DPP8: variants seen among roughly 807,000 people sequenced by gnomAD.
DPP8 encodes dipeptidyl peptidase 8.
Under a neutral mutation model 107.5 loss-of-function variants are expected in DPP8, and 31 were observed. The ratio of observed to expected loss-of-function variants is 0.29; its 90% CI spans 0.22 to 0.39. The LOEUF (loss-of-function observed/expected upper bound fraction) is 0.39, where lower values mean the gene tolerates loss of function less well. Among genes scored for constraint, DPP8 ranks in the 10% least tolerant of loss-of-function variants. The pLI is 1.00. For synonymous variants in DPP8, 381 were observed against 356.6 expected (o/e 1.07, Z -0.77); for missense variants, 842 against 1,076.1 (o/e 0.78, Z 3.04).
chr15:65,443,058 G>A lies in DPP8; in HGVS notation c.*3826C>T, dbSNP rs2063353124. 1 of 152,096 alleles carries A rather than the reference G, an allele frequency of 6.6e-6. No individual in the cohort carries two copies. Among genetic ancestry groups the A allele is most frequent in the Admixed American group, 6.5e-5 (1 of 15,268 alleles). 9.4% of individuals were successfully genotyped at this position (152,096 alleles called of 1,614,324 possible). ...AGTGCAATGAGTTTAATTAACTTCA[G>A]AATGTCATATACTAATCAGAAGTAC... On this transcript the variant is annotated 3_prime_UTR_variant, in exon 20 of 20. Coordinates refer to ENST00000300141, the MANE Select transcript of DPP8 (RefSeq NM_130434.5).
chr15:65,449,569 C>T (rs1371481874), intron 19 of DPP8, among the ~76,000 whole-genome samples: 1 of 151,982 alleles, frequency 6.6e-6, no homozygotes, highest in Admixed American at 6.6e-5. Flanking sequence ...ACCACCACAC[C>T]TAGCTAATTT....
rs752004888 is a variant in DPP8 at position 65,498,017 on chromosome 15, G to A, written c.562C>T (p.Pro188Ser). The change falls in exon 5 of 20, where the codon CCC (proline) becomes TCC (serine). Residue 188 changes from proline (P) to serine (S), a missense_variant. By Grantham distance (74) the Pro-to-Ser change is moderately conservative (BLOSUM62 -1). Around this residue, in one of 2 missense-constraint regions of DPP8, gnomAD observed 663 missense variants for 758.0 expected, o/e 0.87. Coordinates refer to ENST00000300141, the MANE Select transcript of DPP8 (RefSeq NM_130434.5). ...GGACAACTAGTTTCCACTAGATTGGGCCTTAAAGGTTGTTGCTAGAAAAGT... is the reference window on the plus strand; with the variant it reads ...GGACAACTAGTTTCCACTAGATTGGACCTTAAAGGTTGTTGCTAGAAAAGT... ...PQGFTQQPLR[P>S]NLVETSCPNI... 13 of 1,596,798 alleles carry A rather than the reference G, an allele frequency of 8.1e-6. No individual in the cohort carries two copies. The highest frequency in any genetic ancestry group is 1.3e-5 in the African/African-American group (1 of 74,448).
chr15:65,511,880 G>T, intron 2 of DPP8: 1 of 253,192 alleles, frequency 3.9e-6, no homozygotes, highest in Admixed American at 4.7e-5. Flanking sequence ...TTTAACATAG[G>T]CAGACATTAA....
At chr15:65,454,604 G>A (rs114135120) in intron 16 of DPP8, among the ~76,000 whole-genome samples, 189 bp from the exon 17 acceptor site, 5,594 of 152,304 alleles carry the variant, frequency 0.037, 372 homozygotes, top group African/African-American at 0.13. Context: ...TCGGCTCACT[G>A]CAACCTCCGC....
chr15:65,446,731 T>C lies in DPP8; in HGVS notation c.*153A>G, dbSNP rs953812165. On this transcript the variant is annotated 3_prime_UTR_variant, in exon 20 of 20. Transcript: ENST00000300141. The stretch of plus-strand genomic sequence containing the variant: ...GGTATTAGATTACTACCACAAACCG[T>C]AGACCCCTGCATGGCACCACATTTA... The C allele has an allele frequency of 3.9e-5, 24 of 608,004 alleles. No individual in the cohort carries two copies. In the African/African-American group the frequency reaches 4.7e-4, roughly 12 times the overall value. The allele number at this position is 608,004 out of a possible 1,614,324, so 37.7% of individuals were successfully genotyped here.
chr15:65,447,345 C>T (rs7163482), intron 19 of DPP8, among the ~76,000 whole-genome samples: 85,072 of 151,968 alleles, frequency 0.56, 26,362 homozygotes, highest in African/African-American at 0.83. Context: ...ACTTGTTGTG[C>T]CAGCATTTAC....
At chr15:65,485,411 G>C (rs1376625426) in intron 7 of DPP8, among the ~76,000 whole-genome samples, 1 of 151,710 alleles carries the variant, frequency 6.6e-6, no homozygotes, top group African/African-American at 2.4e-5. Context: ...GGGCGTGGTG[G>C]TGTGCGCCTG....
intron 8 of DPP8, 80 bp downstream of exon 8, chr15:65,485,016 TAAA>T: frequency 8.9e-7 from 1 of 1,119,278 alleles, no homozygotes; most frequent in South Asian, 1.3e-5. Flanking sequence ...AGTCCAAAAA[TAAA>T]AAAGTGTATC....
chr15:65,461,332 G>A (rs893571440), intron 15 of DPP8, among the ~76,000 whole-genome samples: 2 of 151,864 alleles, frequency 1.3e-5, no homozygotes, highest in African/African-American at 4.8e-5. Flanking sequence ...CTGTAGAGAC[G>A]GGGTCTCACT....
intron 1 of DPP8, 22 bp from the exon 2 acceptor site, chr15:65,512,586 A>C: frequency 1.2e-6 from 2 of 1,613,486 alleles, no homozygotes; most frequent in South Asian, 1.1e-5. Context: ...AGGCACATGA[A>C]GCTGTTCACG....
chr15:65,489,428 T>TTTTC (rs2067779597), intron 6 of DPP8, among the ~76,000 whole-genome samples: 1 of 147,086 alleles, frequency 6.8e-6, no homozygotes, highest in Non-Finnish European at 1.5e-5. Context: ...TTTTTTTTTT[T>TTTTC]TTTGAGACAG....
At chr15:65,484,379 G>A (rs1357529699) in intron 8 of DPP8, among the ~76,000 whole-genome samples, 1 of 151,786 alleles carries the variant, frequency 6.6e-6, no homozygotes, top group African/African-American at 2.4e-5. Flanking sequence ...GTTGGGGGAT[G>A]ACGGCTCAGG....
intron 5 of DPP8, among the ~76,000 whole-genome samples, chr15:65,492,349 A>C (rs1411627464): frequency 6.6e-6 from 1 of 151,846 alleles, no homozygotes; most frequent in Non-Finnish European, 1.5e-5. Flanking sequence ...CTCAAAAAAG[A>C]AAAAAAAGGG....
chr15:65,480,128 T>A, intron 10 of DPP8, 94 bp downstream of exon 10: 5 of 1,090,356 alleles, frequency 4.6e-6, no homozygotes, highest in Non-Finnish European at 6.4e-6. Context: ...CCTTTAAACT[T>A]AAAAAAAAAT....
intron 6 of DPP8, 125 bp from the exon 7 acceptor site, chr15:65,487,943 T>C: frequency 1.2e-5 from 8 of 673,420 alleles, no homozygotes; most frequent in Non-Finnish European, 2.0e-5. Flanking sequence ...ATATGCTGCC[T>C]TTTTTGTAGG....
intron 6 of DPP8, among the ~76,000 whole-genome samples, chr15:65,489,119 C>T (rs2437053): frequency 0.44 from 66,591 of 151,948 alleles, 17,119 homozygotes; most frequent in Non-Finnish European, 0.57. Context: ...TACCACCACA[C>T]CCAGCTAATT....
In DPP8 at chr15:65,492,262, A is replaced by C. The variant is rs115211073; in HGVS notation, c.716-1963T>G. 7.5e-3 allele frequency among the ~76,000 whole-genome samples: 1,145 copies of C among 152,088 alleles called. 14 individuals carry two copies. Among genetic ancestry groups the C allele is most frequent in the African/African-American group, 0.026 (1,093 of 41,526 alleles). Reference sequence around the variant, plus strand: ...GAGGCTGAGGTAGGAGAATCACTTGAGTCTGGGAGAAGGAGGATGCAGTGA... The same window carrying C: ...GAGGCTGAGGTAGGAGAATCACTTGCGTCTGGGAGAAGGAGGATGCAGTGA... On this transcript the variant is annotated intron_variant, in intron 5 of 19. Transcript: ENST00000300141.
At chr15:65,492,550 C>T (rs1186674640) in intron 5 of DPP8, among the ~76,000 whole-genome samples, 1 of 152,124 alleles carries the variant, frequency 6.6e-6, no homozygotes, top group Non-Finnish European at 1.5e-5. Flanking sequence ...CAATATTTCT[C>T]ACTGTAGCCA....
intron 15 of DPP8, among the ~76,000 whole-genome samples, chr15:65,463,105 G>A (rs1026691623): frequency 2.0e-5 from 3 of 152,174 alleles, no homozygotes; most frequent in African/African-American, 7.2e-5. Context: ...TATCTGTTAA[G>A]ACTCTTTTGA....
Sources: allele counts gnomAD v4.1 joint callset (sites outside exome capture counted in the v4.1 genomes callset), GRCh38; gene constraint gnomAD v4.1.1; regional missense constraint gnomAD v4.1.1; transcripts MANE v1.5; gene names NCBI Gene and HGNC (gene_info 2026-07-23, HGNC 2026-07-21).